AUTS2: variants seen among roughly 807,000 people sequenced by gnomAD.
AUTS2 encodes autism susceptibility gene 2 protein.
In AUTS2, 17 loss-of-function variants were observed where a neutral mutation model predicts 112.4. The observed-to-expected ratio is 0.15, with a 90% CI of 0.10 to 0.23. The LOEUF is 0.23. AUTS2 is among the 10% of genes least tolerant of loss of function. The probability of loss-of-function intolerance (pLI) is 1.00; values close to 1 mark genes in which losing one functional copy is unlikely to be tolerated. For synonymous variants in AUTS2, 751 were observed against 702.7 expected (o/e 1.07, Z -1.09); for missense variants, 1,510 against 1,701.6 (o/e 0.89, Z 1.98).
At chr7:70,233,779 C>T (rs759512517) in intron 4 of AUTS2, among the ~76,000 whole-genome samples, 2 of 152,122 alleles carry the variant, frequency 1.3e-5, no homozygotes, top group African/African-American at 2.4e-5. Context: ...ATCACCAAAG[C>T]GGAATTTCCC....
intron 4 of AUTS2, among the ~76,000 whole-genome samples, chr7:70,303,188 T>G (rs905639111): frequency 1.3e-5 from 2 of 152,072 alleles, no homozygotes; most frequent in Non-Finnish European, 2.9e-5. Context: ...TATGCTCTGT[T>G]GCGCAGGAAT....
intron 2 of AUTS2, among the ~76,000 whole-genome samples, chr7:70,023,426 G>A (rs773261630): frequency 1.3e-5 from 2 of 152,152 alleles, no homozygotes; most frequent in Non-Finnish European, 2.9e-5. Flanking sequence ...TTTGTGCTGA[G>A]CGGATGGTAT....
intron 5 of AUTS2, among the ~76,000 whole-genome samples, chr7:70,601,653 G>T (rs1396797400): frequency 6.6e-6 from 1 of 152,164 alleles, no homozygotes; most frequent in East Asian, 1.9e-4. Flanking sequence ...TGCTGGAGAA[G>T]ACTGGGAATG....
chr7:69,976,167 C>T (rs1467574700), intron 2 of AUTS2, among the ~76,000 whole-genome samples: 3 of 152,188 alleles, frequency 2.0e-5, no homozygotes, highest in African/African-American at 7.2e-5. Flanking sequence ...TTTCCTTGCT[C>T]CTCTCAGCCC....
At chr7:70,491,210 A>G (rs1798214556) in intron 5 of AUTS2, among the ~76,000 whole-genome samples, 1 of 149,128 alleles carries the variant, frequency 6.7e-6, no homozygotes, top group Non-Finnish European at 1.5e-5. Context: ...TTATTCTCTC[A>G]TTATCACACA....
At chr7:69,933,049 T>G (rs1477058136) in intron 2 of AUTS2, among the ~76,000 whole-genome samples, 1 of 152,218 alleles carries the variant, frequency 6.6e-6, no homozygotes, top group Non-Finnish European at 1.5e-5. Context: ...GATCTGCACG[T>G]TGGTTACACT....
chr7:69,793,414 T>C (rs1231459365), intron 1 of AUTS2, among the ~76,000 whole-genome samples: 1 of 152,222 alleles, frequency 6.6e-6, no homozygotes, highest in Non-Finnish European at 1.5e-5. Flanking sequence ...CAGTTTCCAT[T>C]CTCCATCTAT....
At chr7:69,965,355 T>C (rs752655850) in intron 2 of AUTS2, among the ~76,000 whole-genome samples, 5 of 152,194 alleles carry the variant, frequency 3.3e-5, no homozygotes, top group Non-Finnish European at 5.9e-5. Context: ...AGGCATCAAC[T>C]GTGTCTATGC....
chr7:70,160,133 T>C (rs1184031584), intron 4 of AUTS2, among the ~76,000 whole-genome samples: 1 of 152,202 alleles, frequency 6.6e-6, no homozygotes, highest in Non-Finnish European at 1.5e-5. Flanking sequence ...ATTTAAGTGA[T>C]ATTTGCCCAA....
At chr7:70,624,752 G>A (rs1585396916) in intron 5 of AUTS2, among the ~76,000 whole-genome samples, 2 of 152,236 alleles carry the variant, frequency 1.3e-5, no homozygotes, top group East Asian at 1.9e-4. Flanking sequence ...TAGGAAAGAG[G>A]GTCACCTCTC....
At chr7:70,073,249 G>A (rs537005343) in intron 2 of AUTS2, among the ~76,000 whole-genome samples, 1 of 151,988 alleles carries the variant, frequency 6.6e-6, no homozygotes, top group South Asian at 2.1e-4. Context: ...AATGGCTCAT[G>A]CCTGTAATCC....
At chr7:69,627,105 A>G (rs1793991345) in intron 1 of AUTS2, among the ~76,000 whole-genome samples, 1 of 152,214 alleles carries the variant, frequency 6.6e-6, no homozygotes, top group Non-Finnish European at 1.5e-5. Flanking sequence ...TTGAGCACCA[A>G]CATTATGTTT....
At chr7:70,745,022 A>G (rs944776792) in intron 6 of AUTS2, among the ~76,000 whole-genome samples, 3 of 138,158 alleles carry the variant, frequency 2.2e-5, no homozygotes, top group African/African-American at 9.2e-5. Flanking sequence ...TCAGTATTAT[A>G]TTAATAATTA....
intron 4 of AUTS2, among the ~76,000 whole-genome samples, chr7:70,235,961 C>A (rs1812306996): frequency 6.6e-6 from 1 of 152,196 alleles, no homozygotes; most frequent in Admixed American, 6.5e-5. Context: ...TCTTTGACCA[C>A]CCTCTGTAAA....
chr7:70,118,297 C>CACA, intron 3 of AUTS2, 64 bp downstream of exon 3: 1 of 1,447,654 alleles, frequency 6.9e-7, no homozygotes, highest in Non-Finnish European at 9.1e-7. Flanking sequence ...CACACACACA[C>CACA]CATTGGTTCA....
intron 2 of AUTS2, among the ~76,000 whole-genome samples, chr7:70,052,032 C>T (rs1801777392): frequency 6.6e-6 from 1 of 152,002 alleles, no homozygotes; most frequent in African/African-American, 2.4e-5. Context: ...CTGTGTACTA[C>T]AATATATGGT....
intron 5 of AUTS2, among the ~76,000 whole-genome samples, chr7:70,446,059 G>C (rs1796306157): frequency 6.6e-6 from 1 of 152,152 alleles, no homozygotes; most frequent in South Asian, 2.1e-4. Flanking sequence ...TTCCATGGTG[G>C]CTCCTGCACT....
intron 6 of AUTS2, among the ~76,000 whole-genome samples, chr7:70,726,594 C>G (rs1028738746): frequency 2.6e-5 from 4 of 152,144 alleles, no homozygotes; most frequent in African/African-American, 9.7e-5. Context: ...TACCACAGTA[C>G]AAGTGGAACC....
intron 4 of AUTS2, among the ~76,000 whole-genome samples, chr7:70,183,970 A>G (rs758273666): frequency 5.3e-5 from 8 of 152,090 alleles, no homozygotes; most frequent in Non-Finnish European, 1.2e-4. Context: ...AATAGAACAT[A>G]TAATTCAGCA....
Sources: allele counts gnomAD v4.1 joint callset (sites outside exome capture counted in the v4.1 genomes callset), GRCh38; gene constraint gnomAD v4.1.1; transcripts MANE v1.5; gene names NCBI Gene and HGNC (gene_info 2026-07-23, HGNC 2026-07-21).